PIANP: variants seen among roughly 807,000 people sequenced by gnomAD.
PIANP encodes PILR alpha-associated neural protein.
A neutral mutation model predicts 28.9 loss-of-function variants in PIANP; 14 were observed. That is an observed-to-expected ratio of 0.49 (90% CI 0.32 to 0.76). The LOEUF is 0.76. Ranked by LOEUF, PIANP falls within the 30% of genes least tolerant of loss-of-function variation. PIANP has a pLI of 0.03. For synonymous variants in PIANP, 149 were observed against 156.6 expected, an observed-to-expected ratio of 0.95 and a Z score of 0.36; for missense variants, 322 against 371.8, an observed-to-expected ratio of 0.87 and a Z score of 1.10.
In PIANP at chr12:6,696,185, G is replaced by A. The variant is rs1176145547; in HGVS notation, c.605+258C>T. On this transcript the variant is annotated intron_variant, in intron 4 of 4. Transcript: ENST00000534837. This position sits in a 1 kb window ranked among gnomAD's most constrained non-coding sequence, Gnocchi z 4.0. ...TGTCTTGGAGGAAGTAGGGGCAGGG[G>A]AGGCTCACCAGGAATGCACAGGAAT... is the stretch of plus-strand genomic sequence containing the variant. Among the ~76,000 whole-genome samples the A allele has an allele frequency of 6.6e-6, 1 of 152,078 alleles. No homozygotes were observed.
chr12:6,696,317 C>G lies in PIANP; in HGVS notation c.605+126G>C, dbSNP rs1959859044. ...ATCCTTAATTATCTTTTCCCAAGGT[C>G]TTGCCTTCATCCAGCATTTCCCACC... On this transcript the variant is annotated intron_variant, in intron 4 of 4. Coordinates refer to ENST00000534837, the MANE Select transcript of PIANP (RefSeq NM_001244014.2). This position sits in a 1 kb window ranked among gnomAD's most constrained non-coding sequence, Gnocchi z 4.0. 3.1e-6 allele frequency: 2 copies of G among 646,420 alleles called. No individual in the cohort carries two copies. The highest frequency in any genetic ancestry group is 3.1e-5 in the East Asian group (1 of 31,770). The allele number at this position is 646,420 out of a possible 1,614,324, so 40.0% of individuals were successfully genotyped here. A position where few individuals can be genotyped will look rare whatever the true frequency, so the allele number is the denominator to read the frequency against.
chr12:6,695,373 T>A lies in PIANP; in HGVS notation c.*53A>T, dbSNP rs1280292455. The A allele has an allele frequency of 1.4e-6, 2 of 1,425,104 alleles. No homozygotes were observed. Among genetic ancestry groups the A allele is most frequent in the Non-Finnish European group, 1.8e-6 (2 of 1,086,348 alleles). 88.3% of individuals were successfully genotyped at this position (1,425,104 alleles called of 1,614,324 possible). On this transcript the variant is annotated 3_prime_UTR_variant, in exon 5 of 5. Transcript: ENST00000534837. This position sits in a 1 kb window ranked among gnomAD's most constrained non-coding sequence, Gnocchi z 4.2. ...CCAGAGGGCACCCCCACCCCAGCTC[T>A]GAAGACCTAAGTTGCCTTCCCTCTT...
downstream of PIANP, among the ~76,000 whole-genome samples, chr12:6,693,088 G>A (rs966203026): frequency 1.3e-5 from 2 of 152,092 alleles, no homozygotes; most frequent in African/African-American, 2.4e-5. Context: ...CAGCTGAGAG[G>A]CTGATGTGTG....
Position 6,695,514 on chromosome 12 carries a change from G to T in PIANP, c.743C>A (p.Pro248His). The T allele has an allele frequency of 6.4e-7, 1 of 1,567,524 alleles. No individual in the cohort carries two copies. Reference protein sequence around the residue: ...VLGAFGDSPTPTPDHEEPRGG... With the variant: ...VLGAFGDSPTHTPDHEEPRGG... ...TCGGGGCTCCTCATGGTCAGGGGTG[G>T]GGGTAGGTGAGTCCCCGAAGGCCCC... The change falls in exon 5 of 5, where the codon CCC becomes CAC. Residue 248 changes from proline (P) to histidine (H), a missense_variant. Transcript: ENST00000534837. The surrounding 1 kb of genome is among the most constrained non-coding windows in gnomAD (Gnocchi z 4.2).
intron 1 of PIANP, 68 bp from the exon 2 acceptor site, chr12:6,698,172 C>A: frequency 2.3e-6 from 3 of 1,288,650 alleles, no homozygotes; most frequent in African/African-American, 1.5e-5. Context: ...ATTCATCCAC[C>A]AATTCTACCC....
At chr12:6,699,640 G>A (rs1458057252) in intron 1 of PIANP, among the ~76,000 whole-genome samples, 8 of 151,154 alleles carry the variant, frequency 5.3e-5, no homozygotes, top group Admixed American at 5.3e-4. Flanking sequence ...GTCCAGGCAG[G>A]ACAGCCAGAG....
chr12:6,696,560 G>A lies in PIANP; in HGVS notation c.524-36C>T, dbSNP rs202197192. 5.5e-4 allele frequency: 809 copies of A among 1,474,754 alleles called. 3 individuals carry two copies. The South Asian group carries it at 6.1e-3, about 11-fold the overall frequency. 91.4% of individuals were successfully genotyped at this position (1,474,754 alleles called of 1,614,324 possible). On this transcript the variant is annotated intron_variant, in intron 3 of 4. Transcript: ENST00000534837. The surrounding 1 kb of genome is among the most constrained non-coding windows in gnomAD (Gnocchi z 4.0). ...TGGGAAGAAAGTTTTAGGGAGCCCC[G>A]AGGTGGTAGGAGCCAAGAGGGGCTG...
In PIANP at chr12:6,695,373, T is replaced by C; in HGVS notation, c.*53A>G. The stretch of plus-strand genomic sequence containing the variant: ...CCAGAGGGCACCCCCACCCCAGCTC[T>C]GAAGACCTAAGTTGCCTTCCCTCTT... On this transcript the variant is annotated 3_prime_UTR_variant, in exon 5 of 5. Transcript: ENST00000534837. This position sits in a 1 kb window ranked among gnomAD's most constrained non-coding sequence, Gnocchi z 4.2. 7.0e-7 allele frequency: 1 copy of C among 1,425,224 alleles called. No homozygotes were observed. Among genetic ancestry groups the C allele is most frequent in the Non-Finnish European group, 9.2e-7 (1 of 1,086,340 alleles). 88.3% of individuals were successfully genotyped at this position (1,425,224 alleles called of 1,614,324 possible). A position where few individuals can be genotyped will look rare whatever the true frequency, so the allele number is the denominator to read the frequency against.
Position 6,698,338 on chromosome 12 carries a change from C to T in PIANP, c.-43-234G>A, listed in dbSNP as rs1959941538. On this transcript the variant is annotated intron_variant, in intron 1 of 4. Transcript: ENST00000534837. ...TCTCAGGTCCCTGTTACCTCTCCAC[C>T]CCAGGGTCTACTCTGGCTTCTCTGA... The T allele has an allele frequency of 8.8e-6, 5 of 569,846 alleles. No individual in the cohort carries two copies. In the Admixed American group the frequency reaches 9.1e-5, roughly 10 times the overall value. 35.3% of individuals were successfully genotyped at this position (569,846 alleles called of 1,614,324 possible). A position where few individuals can be genotyped will look rare whatever the true frequency, so the allele number is the denominator to read the frequency against.
chr12:6,699,736 T>G (rs1307602455), intron 1 of PIANP, among the ~76,000 whole-genome samples: 1 of 150,668 alleles, frequency 6.6e-6, no homozygotes, highest in African/African-American at 2.4e-5. Flanking sequence ...CATAAATGCT[T>G]AAGGAAAAAT....
Position 6,696,368 on chromosome 12 carries a change from T to C in PIANP, c.605+75A>G, listed in dbSNP as rs1206566722. On this transcript the variant is annotated intron_variant, in intron 4 of 4. Coordinates refer to ENST00000534837, the MANE Select transcript of PIANP (RefSeq NM_001244014.2). This position sits in a 1 kb window ranked among gnomAD's most constrained non-coding sequence, Gnocchi z 4.0. ...CACCCCCCAGCAAAATTGCTGCCAC[T>C]GCCCCTCGTGGTTAGAGCCTCGACT... The C allele has an allele frequency of 1.9e-6, 2 of 1,029,130 alleles. No individual in the cohort carries two copies. The highest frequency in any genetic ancestry group is 1.9e-5 in the South Asian group (1 of 53,884). 63.7% of individuals were successfully genotyped at this position (1,029,130 alleles called of 1,614,324 possible).
downstream of PIANP, among the ~76,000 whole-genome samples, chr12:6,693,539 C>A (rs146571719): frequency 2.0e-5 from 3 of 152,226 alleles, no homozygotes; most frequent in Non-Finnish European, 4.4e-5. Context: ...TCTCTCTTGA[C>A]CCTCCCTGGC....
chr12:6,693,379 G>A (rs1287488665), downstream of PIANP, among the ~76,000 whole-genome samples: 6 of 152,168 alleles, frequency 3.9e-5, 1 homozygote, highest in Non-Finnish European at 8.8e-5. Context: ...TCGGATGGCT[G>A]GCTCCCTCTC....
In PIANP at chr12:6,695,107, A is replaced by G; in HGVS notation, c.*319T>C. 1 of 1,552,998 alleles carries G rather than the reference A, an allele frequency of 6.4e-7. No individual in the cohort carries two copies. The highest frequency in any genetic ancestry group is 8.7e-7 in the Non-Finnish European group (1 of 1,148,958). On this transcript the variant is annotated 3_prime_UTR_variant, in exon 5 of 5. Coordinates refer to ENST00000534837, the MANE Select transcript of PIANP (RefSeq NM_001244014.2). This position sits in a 1 kb window ranked among gnomAD's most constrained non-coding sequence, Gnocchi z 4.2. ...AGTCAGGAACCAAGGGGTAGGCCAG[A>G]ATAGAAGGGGAAGTTCAAGACAAAG...
Position 6,695,152 on chromosome 12 carries a change from A to C in PIANP, c.*274T>G. On this transcript the variant is annotated 3_prime_UTR_variant, in exon 5 of 5. Coordinates refer to ENST00000534837, the MANE Select transcript of PIANP (RefSeq NM_001244014.2). This position sits in a 1 kb window ranked among gnomAD's most constrained non-coding sequence, Gnocchi z 4.2. ...ACAAAGAGGGGGAATCAAGGTTAAGAGGGCAGAGTTGTCTTAGACAAGGTG... is the reference window on the plus strand; with the variant it reads ...ACAAAGAGGGGGAATCAAGGTTAAGCGGGCAGAGTTGTCTTAGACAAGGTG... 1 of 1,503,066 alleles carries C rather than the reference A, an allele frequency of 6.7e-7. No homozygotes were observed. The highest frequency in any genetic ancestry group is 8.9e-7 in the Non-Finnish European group (1 of 1,122,690). The allele number at this position is 1,503,066 out of a possible 1,614,324, so 93.1% of individuals were successfully genotyped here. A position where few individuals can be genotyped will look rare whatever the true frequency, so the allele number is the denominator to read the frequency against.
Position 6,696,980 on chromosome 12 carries a change from G to A in PIANP, c.523+307C>T, listed in dbSNP as rs1162363465. 6.6e-6 allele frequency among the ~76,000 whole-genome samples: 1 copy of A among 152,122 alleles called. No homozygotes were observed. The highest frequency in any genetic ancestry group is 2.4e-5 in the African/African-American group (1 of 41,426). Reference sequence around the variant, plus strand: ...TCTCTTTTCAAGGGCCAGCTCAAATGTCAGTTCTCTGAAGGTGTCCTGATC... The same window carrying A: ...TCTCTTTTCAAGGGCCAGCTCAAATATCAGTTCTCTGAAGGTGTCCTGATC... On this transcript the variant is annotated intron_variant, in intron 3 of 4. Coordinates refer to ENST00000534837, the MANE Select transcript of PIANP (RefSeq NM_001244014.2). The surrounding 1 kb of genome is among the most constrained non-coding windows in gnomAD (Gnocchi z 4.0).
intron 1 of PIANP, 100 bp from the exon 2 acceptor site, chr12:6,698,204 C>T (rs536236162): frequency 1.1e-6 from 1 of 920,834 alleles, no homozygotes; most frequent in South Asian, 1.4e-5. Flanking sequence ...CCCAGGCCAC[C>T]CAGCTGCCAG....
Position 6,697,854 on chromosome 12 carries a change from GA to G in PIANP, c.18-63del. ...CTACTGTGGGCCTATGTGAGGGAGG[GA>G]CAGGTTCACACCAGAAACCTCCAGG... On this transcript the variant is annotated intron_variant, in intron 2 of 4. Coordinates refer to ENST00000534837, the MANE Select transcript of PIANP (RefSeq NM_001244014.2). This position sits in a 1 kb window ranked among gnomAD's most constrained non-coding sequence, Gnocchi z 6.9. The G allele has an allele frequency of 6.7e-7, 1 of 1,497,824 alleles. No individual in the cohort carries two copies. The highest frequency in any genetic ancestry group is 8.9e-7 in the Non-Finnish European group (1 of 1,122,270). The allele number at this position is 1,497,824 out of a possible 1,614,324, so 92.8% of individuals were successfully genotyped here.
At position 6,696,363 on chromosome 12, in the gene PIANP, G is replaced by T; in HGVS notation, c.605+80C>A. Reference sequence around the variant, plus strand: ...CCACCCACCCCCCAGCAAAATTGCTGCCACTGCCCCTCGTGGTTAGAGCCT... The same window carrying T: ...CCACCCACCCCCCAGCAAAATTGCTTCCACTGCCCCTCGTGGTTAGAGCCT... On this transcript the variant is annotated intron_variant, in intron 4 of 4. Transcript: ENST00000534837. This position sits in a 1 kb window ranked among gnomAD's most constrained non-coding sequence, Gnocchi z 4.0. 2.8e-6 allele frequency: 3 copies of T among 1,082,710 alleles called. No individual in the cohort carries two copies. Among genetic ancestry groups the T allele is most frequent in the Non-Finnish European group, 2.6e-6 (2 of 782,476 alleles). 67.1% of individuals were successfully genotyped at this position (1,082,710 alleles called of 1,614,324 possible).
Sources: gnomAD v4.1 joint callset for allele counts (sites outside exome capture counted in the v4.1 genomes callset) on GRCh38, gnomAD v4.1.1 for gene constraint, Gnocchi (gnomAD v3.1) non-coding constraint, MANE v1.5 for transcripts, NCBI Gene and HGNC (gene_info 2026-07-23, HGNC 2026-07-21) for gene names.